The following KDM2A variants were observed in gnomAD, a reference collection of about 807,000 sequenced individuals.
The protein encoded by KDM2A is lysine demethylase 2A.
A neutral mutation model predicts 137.3 loss-of-function variants in KDM2A; 3 were observed. That is an observed-to-expected ratio of 0.02 (90% CI 0.01 to 0.06). The LOEUF (loss-of-function observed/expected upper bound fraction) is 0.06. Ranked by LOEUF, KDM2A falls within the 10% of genes least tolerant of loss-of-function variation. The pLI is 1.00. For synonymous variants in KDM2A, 512 were observed against 541.5 expected (o/e 0.95, Z 0.76); for missense variants, 738 against 1,510.6 (o/e 0.49, Z 8.48).
intron 10 of KDM2A, among the ~76,000 whole-genome samples, chr11:67,222,977 G>C (rs1590801774): frequency 1.3e-5 from 2 of 151,736 alleles, no homozygotes; most frequent in African/African-American, 4.8e-5. Flanking sequence ...CAGATTACCT[G>C]AGGTCAGGAA....
At chr11:67,242,949 G>A in intron 12 of KDM2A, 60 bp from the exon 13 acceptor site, 2 of 1,305,310 alleles carry the variant, frequency 1.5e-6, no homozygotes. Flanking sequence ...TGCTGTTCAG[G>A]GTGGTTGGCT....
At chr11:67,167,596 T>G (rs1243878253) in intron 2 of KDM2A, among the ~76,000 whole-genome samples, 3 of 152,144 alleles carry the variant, frequency 2.0e-5, no homozygotes, top group Non-Finnish European at 4.4e-5. Flanking sequence ...CTTTTTTTTT[T>G]TCCTTAAAGG....
Position 67,231,776 on chromosome 11 carries a change from G to T in KDM2A, c.1295G>T (p.Gly432Val), listed in dbSNP as rs369838457. The T allele has an allele frequency of 7.5e-5, 121 of 1,613,896 alleles. No homozygotes were observed. The highest frequency in any genetic ancestry group is 1.0e-4 in the Non-Finnish European group (119 of 1,179,908). Residue 432 changes from glycine (G) to valine (V), a missense_variant, in exon 12 of 21, where the codon GGC (glycine) becomes GTC (valine). Transcript: ENST00000529006. ...AGDSSSDCSRGSHNGQVWDPQ... is the reference protein window; with the variant it reads ...AGDSSSDCSRVSHNGQVWDPQ... ...GACTCATCTTCTGACTGTAGCCGGG[G>T]CTCCCACAATGGACAAGTGTGGGAT...
At chr11:67,252,524 C>A in intron 17 of KDM2A, 170 bp from the exon 18 acceptor site, 2 of 693,286 alleles carry the variant, frequency 2.9e-6, no homozygotes, top group South Asian at 1.6e-5. Flanking sequence ...GAGTTCAAGG[C>A]AATTTTTTGC....
At chr11:67,179,589 G>A (rs1053956710) in intron 2 of KDM2A, among the ~76,000 whole-genome samples, 2 of 152,140 alleles carry the variant, frequency 1.3e-5, no homozygotes, top group African/African-American at 4.8e-5. Context: ...CTGGAATGCT[G>A]TTATTTAGAT....
chr11:67,213,658 C>T (rs894935069), intron 6 of KDM2A, among the ~76,000 whole-genome samples: 1 of 150,058 alleles, frequency 6.7e-6, no homozygotes, highest in Non-Finnish European at 1.5e-5. Flanking sequence ...ACTCAAGAGG[C>T]TGAGGCAGGA....
intron 8 of KDM2A, among the ~76,000 whole-genome samples, chr11:67,216,696 G>A (rs566403672): frequency 4.6e-5 from 7 of 152,238 alleles, no homozygotes; most frequent in South Asian, 4.1e-4. Context: ...CAAGGCGGGC[G>A]GATCAGCTGA....
intron 5 of KDM2A, among the ~76,000 whole-genome samples, chr11:67,186,574 C>T (rs764362787): frequency 2.4e-4 from 37 of 152,098 alleles, no homozygotes; most frequent in Non-Finnish European, 4.6e-4. Flanking sequence ...AGAAATATCT[C>T]GATAAAGGTA....
At chr11:67,167,666 T>G (rs929723212) in intron 2 of KDM2A, among the ~76,000 whole-genome samples, 1 of 152,172 alleles carries the variant, frequency 6.6e-6, no homozygotes, top group Non-Finnish European at 1.5e-5. Flanking sequence ...AGCTTCCTGC[T>G]AAATTCTGTA....
At chr11:67,140,338 C>G (rs948710304) in intron 2 of KDM2A, among the ~76,000 whole-genome samples, 2 of 151,854 alleles carry the variant, frequency 1.3e-5, no homozygotes, top group African/African-American at 4.8e-5. Context: ...TGCACTCCAT[C>G]CTGGGTGACA....
rs769550194 is a variant in KDM2A at position 67,154,060 on chromosome 11, A to G, written c.43-26019A>G. ...AGAAAATTCAAATTCCATAATGTCT[A>G]ATATTTAGAATTTTCCAATGTCCTA... On this transcript the variant is annotated intron_variant, in intron 2 of 20. Coordinates refer to ENST00000529006, the MANE Select transcript of KDM2A (RefSeq NM_012308.3). 1.5e-4 allele frequency among the ~76,000 whole-genome samples: 23 copies of G among 152,268 alleles called. No homozygotes were observed. The South Asian group carries it at 1.9e-3, about 12-fold the overall frequency.
chr11:67,237,766 A>C (rs1354396578), intron 12 of KDM2A, among the ~76,000 whole-genome samples: 1 of 152,054 alleles, frequency 6.6e-6, no homozygotes, highest in African/African-American at 2.4e-5. Context: ...TGGGCAACAT[A>C]GTGAGACTCC....
chr11:67,127,703 AATTTATTT>A (rs1352064088), intron 2 of KDM2A, among the ~76,000 whole-genome samples: 1 of 151,586 alleles, frequency 6.6e-6, no homozygotes. Context: ...TAAATTAATT[AATTTATTT>A]ATTTATTTAT....
chr11:67,201,544 G>A (rs1056816356), intron 5 of KDM2A, among the ~76,000 whole-genome samples: 1 of 151,836 alleles, frequency 6.6e-6, no homozygotes, highest in African/African-American at 2.4e-5. Context: ...GCCAAGGTGG[G>A]CAGATCACAA....
chr11:67,211,642 AATAT>A (rs1202016618), intron 6 of KDM2A, among the ~76,000 whole-genome samples: 1 of 139,046 alleles, frequency 7.2e-6, no homozygotes, highest in Non-Finnish European at 1.6e-5. Flanking sequence ...AAAAAAAAAG[AATAT>A]ATATATAATA....
intron 5 of KDM2A, chr11:67,195,475 T>C (rs895346981): frequency 1.3e-5 from 2 of 152,194 alleles, no homozygotes; most frequent in African/African-American, 4.8e-5. Flanking sequence ...AACTCTTCTA[T>C]TTTCCAAATT....
At chr11:67,253,673 C>T in intron 19 of KDM2A, 62 bp downstream of exon 19, 1 of 1,555,820 alleles carries the variant, frequency 6.4e-7, no homozygotes, top group Non-Finnish European at 8.8e-7. Flanking sequence ...CCAAACAGAC[C>T]TCGTCTTCAG....
chr11:67,203,527 T>G (rs1023302570), intron 5 of KDM2A, among the ~76,000 whole-genome samples: 6 of 147,836 alleles, frequency 4.1e-5, no homozygotes, highest in African/African-American at 1.5e-4. Flanking sequence ...AAATATATAA[T>G]AAATAAGTAG....
At chr11:67,217,343 A>G (rs1858198086) in intron 8 of KDM2A, among the ~76,000 whole-genome samples, 1 of 151,888 alleles carries the variant, frequency 6.6e-6, no homozygotes, top group Admixed American at 6.6e-5. Flanking sequence ...TGTTGATCTT[A>G]GTTACTACCT....
Sources: gnomAD v4.1 joint callset for allele counts (sites outside exome capture counted in the v4.1 genomes callset) on GRCh38, gnomAD v4.1.1 for gene constraint, MANE v1.5 for transcripts, NCBI Gene and HGNC (gene_info 2026-07-23, HGNC 2026-07-21) for gene names.